The following MED13L variants were observed in gnomAD, a reference collection of about 807,000 sequenced individuals.
MED13L encodes the protein mediator complex subunit 13L.
In MED13L, 7 loss-of-function variants were observed where a neutral mutation model predicts 220.9. The observed-to-expected ratio is 0.03, with a 90% CI of 0.02 to 0.06. The LOEUF (loss-of-function observed/expected upper bound fraction) is 0.06. Ranked by LOEUF, MED13L falls within the 10% of genes least tolerant of loss-of-function variation. The probability of loss-of-function intolerance (pLI) is 1.00; values close to 1 mark genes in which losing one functional copy is unlikely to be tolerated. For synonymous variants in MED13L, 1,011 were observed against 1,015.2 expected, an observed-to-expected ratio of 1.00 and a Z score of 0.08; for missense variants, 1,965 against 2,760.5, an observed-to-expected ratio of 0.71 and a Z score of 6.46.
chr12:116,198,064 C>T (rs888067278), intron 2 of MED13L, among the ~76,000 whole-genome samples: 4 of 152,130 alleles, frequency 2.6e-5, no homozygotes, highest in Admixed American at 1.3e-4. Flanking sequence ...TTATGTATGG[C>T]AGATAACCAA....
At chr12:116,039,073 T>C (rs1881370183) in intron 4 of MED13L, among the ~76,000 whole-genome samples, 1 of 152,220 alleles carries the variant, frequency 6.6e-6, no homozygotes, top group African/African-American at 2.4e-5. Flanking sequence ...TAAAGGAAGC[T>C]AGTATACAAC....
chr12:116,091,575 G>A (rs868823324), intron 4 of MED13L, among the ~76,000 whole-genome samples: 3 of 152,148 alleles, frequency 2.0e-5, no homozygotes, highest in African/African-American at 7.2e-5. Flanking sequence ...TTAAGTGTTT[G>A]TCTGCTCCCT....
At chr12:116,030,794 TGATA>T (rs1163314472) in intron 4 of MED13L, among the ~76,000 whole-genome samples, 1 of 152,086 alleles carries the variant, frequency 6.6e-6, no homozygotes, top group Non-Finnish European at 1.5e-5. Context: ...CCGATAAATC[TGATA>T]TATATGAAAT....
chr12:116,072,655 T>C lies in MED13L; in HGVS notation c.479+24014A>G, dbSNP rs374327683. On this transcript the variant is annotated intron_variant, in intron 4 of 30. Transcript: ENST00000281928. ...TTAGTAGAGACAGGGTTTCACACCATGTTGGCCAGGCTGGTCTTGAACTCC... is the reference window on the plus strand; with the variant it reads ...TTAGTAGAGACAGGGTTTCACACCACGTTGGCCAGGCTGGTCTTGAACTCC... Among the ~76,000 whole-genome samples the C allele has an allele frequency of 2.4e-4, 36 of 152,320 alleles. No individual in the cohort carries two copies. In the East Asian group the frequency reaches 6.4e-3, roughly 27 times the overall value.
chr12:116,277,615 C>T lies in MED13L; in HGVS notation c.-484G>A, dbSNP rs1873995056. On this transcript the variant is annotated 5_prime_UTR_variant, in exon 1 of 31. Transcript: ENST00000281928. ...AGCCGAGCGACGTCCCCTCCTTCCT[C>T]TTCCTCCCCCACCCCCCCCTCCTCC... 6.7e-6 allele frequency among the ~76,000 whole-genome samples: 1 copy of T among 149,620 alleles called. No homozygotes were observed. The highest frequency in any genetic ancestry group is 1.5e-5 in the Non-Finnish European group (1 of 66,972).
At chr12:116,156,430 T>C (rs1213365592) in intron 2 of MED13L, among the ~76,000 whole-genome samples, 1 of 143,382 alleles carries the variant, frequency 7.0e-6, no homozygotes, top group Non-Finnish European at 1.5e-5. Context: ...AAAACTTTTA[T>C]AGTCCAAAAT....
chr12:116,008,191 G>T, intron 10 of MED13L: 2 of 624,392 alleles, frequency 3.2e-6, no homozygotes, highest in Admixed American at 3.3e-5. Flanking sequence ...GGCATAAAGA[G>T]TTCTTTATAT....
chr12:115,975,416 G>A, intron 24 of MED13L, 99 bp downstream of exon 24: 1 of 1,594,804 alleles, frequency 6.3e-7, no homozygotes, highest in Non-Finnish European at 8.6e-7. Flanking sequence ...ACCTATCCAT[G>A]CTGTACCCAC....
chr12:116,129,155 G>A (rs996334575), intron 2 of MED13L, among the ~76,000 whole-genome samples: 1 of 152,116 alleles, frequency 6.6e-6, no homozygotes, highest in African/African-American at 2.4e-5. Flanking sequence ...ACTCAAGGCT[G>A]GGCATGGTGG....
intron 17 of MED13L, among the ~76,000 whole-genome samples, chr12:115,988,849 A>G (rs1877874842): frequency 6.6e-6 from 1 of 152,206 alleles, no homozygotes; most frequent in Admixed American, 6.5e-5. Context: ...AGGCCTATCT[A>G]GTAAAAGGAC....
At chr12:116,073,523 T>C (rs1477549489) in intron 4 of MED13L, among the ~76,000 whole-genome samples, 1 of 152,212 alleles carries the variant, frequency 6.6e-6, no homozygotes, top group Non-Finnish European at 1.5e-5. Flanking sequence ...TAAAAGAGTG[T>C]AGAAATTAAT....
rs1370185656 is a variant in MED13L, at chr12:116,019,215, C to A, written c.1009+9G>T. 6.2e-7 allele frequency: 1 copy of A among 1,612,210 alleles called. No individual in the cohort carries two copies. Among genetic ancestry groups the A allele is most frequent in the African/African-American group, 1.3e-5 (1 of 74,864 alleles). On this transcript the variant is annotated intron_variant, in intron 7 of 30. Transcript: ENST00000281928. ...TCTTCTCCCCAGGACACTCCTGGAT[C>A]CTACTCACCTAGGATAGCCTGTTCT...
intron 2 of MED13L, among the ~76,000 whole-genome samples, chr12:116,217,659 A>G (rs947973099): frequency 6.6e-6 from 1 of 152,226 alleles, no homozygotes; most frequent in Non-Finnish European, 1.5e-5. Context: ...ATCACACTGT[A>G]TTGTACCTTC....
At chr12:116,104,455 A>G (rs1873379928) in intron 3 of MED13L, among the ~76,000 whole-genome samples, 1 of 152,244 alleles carries the variant, frequency 6.6e-6, no homozygotes, top group Non-Finnish European at 1.5e-5. Context: ...TGTATATTCC[A>G]AGTAAAATAT....
chr12:115,983,065 G>A (rs1214912268), intron 21 of MED13L, 52 bp downstream of exon 21: 10 of 1,574,082 alleles, frequency 6.4e-6, no homozygotes, highest in Non-Finnish European at 8.7e-7. Context: ...AGAAGAAGAA[G>A]AGAGAAAGGG....
At chr12:116,138,282 T>C (rs1480739495) in intron 2 of MED13L, among the ~76,000 whole-genome samples, 2 of 152,224 alleles carry the variant, frequency 1.3e-5, no homozygotes, top group Non-Finnish European at 2.9e-5. Flanking sequence ...AGCCTAGACT[T>C]AGGAGAAAAA....
chr12:116,112,833 A>G (rs1413851535), intron 2 of MED13L, among the ~76,000 whole-genome samples: 1 of 152,196 alleles, frequency 6.6e-6, no homozygotes, highest in Non-Finnish European at 1.5e-5. Context: ...GGGTTTGAAA[A>G]AGAGCTAATA....
At chr12:116,157,835 A>G (rs1878563541) in intron 2 of MED13L, among the ~76,000 whole-genome samples, 1 of 152,220 alleles carries the variant, frequency 6.6e-6, no homozygotes, top group South Asian at 2.1e-4. Flanking sequence ...GTGTTTTAAA[A>G]GATATGCTAT....
At position 116,230,405 on chromosome 12, in the gene MED13L, C is replaced by T. The variant is rs961445257; in HGVS notation, c.310+7063G>A. The T allele has an allele frequency of 7.5e-5, 65 of 864,038 alleles. No individual in the cohort carries two copies. In the African/African-American group the frequency reaches 1.2e-3, roughly 15 times the overall value. The allele number at this position is 864,038 out of a possible 1,614,324, so 53.5% of individuals were successfully genotyped here. On this transcript the variant is annotated intron_variant, in intron 2 of 30. Coordinates refer to ENST00000281928, the MANE Select transcript of MED13L (RefSeq NM_015335.5). ...ACAAAGTGAGACTCCGTCTCAACAA[C>T]AATAAAAAAAAGTAAAATGAAACTT...
Sources: gnomAD v4.1 joint callset for allele counts (sites outside exome capture counted in the v4.1 genomes callset) on GRCh38, gnomAD v4.1.1 for gene constraint, MANE v1.5 for transcripts, NCBI Gene and HGNC (gene_info 2026-07-23, HGNC 2026-07-21) for gene names.